The following PLXNA4 variants were observed in gnomAD, a reference collection of about 807,000 sequenced individuals.
PLXNA4 encodes the protein plexin-A4.
PLXNA4 carries 44 observed loss-of-function variants against 191.8 expected under a neutral mutation model. The ratio of observed to expected loss-of-function variants is 0.23; its 90% CI spans 0.18 to 0.29. The LOEUF is 0.29. Among genes scored for constraint, PLXNA4 ranks in the 10% least tolerant of loss-of-function variants. PLXNA4 has a pLI of 1.00. For synonymous variants in PLXNA4, 1,082 were observed against 1,009.5 expected (o/e 1.07, Z -1.36); for missense variants, 1,800 against 2,488.8 (o/e 0.72, Z 5.89).
At chr7:132,569,221 G>A (rs750262060) in intron 1 of PLXNA4, among the ~76,000 whole-genome samples, 4 of 152,240 alleles carry the variant, frequency 2.6e-5, no homozygotes, top group Non-Finnish European at 5.9e-5. Flanking sequence ...CTGAGTGACT[G>A]AGCCACCAGC....
chr7:132,409,743 G>T (rs373612837), intron 3 of PLXNA4, among the ~76,000 whole-genome samples: 8 of 152,196 alleles, frequency 5.3e-5, no homozygotes, highest in African/African-American at 1.9e-4. Context: ...CATCCAGCAT[G>T]CACCAGGATG....
At chr7:132,383,524 T>G in intron 3 of PLXNA4, 1 of 962,482 alleles carries the variant, frequency 1.0e-6, no homozygotes, top group Non-Finnish European at 1.2e-6. Context: ...TTTTATTTTA[T>G]TCATTGTATC....
In PLXNA4 at chr7:132,618,644, T is replaced by C. The variant is rs977614563; in HGVS notation, c.-87+27284A>G. Among the ~76,000 whole-genome samples, 4 of 152,248 alleles carry C rather than the reference T, an allele frequency of 2.6e-5. No homozygotes were observed. In the East Asian group the frequency reaches 5.8e-4, roughly 22 times the overall value. ...CAGGCCAGACAACTGCTTTGGGCTT[T>C]TGTAATGCAAGATTGTGAGGCAAGG... On this transcript the variant is annotated intron_variant, in intron 2 of 4. Transcript: ENST00000378539.
intron 4 of PLXNA4, among the ~76,000 whole-genome samples, chr7:132,287,198 C>A (rs1334335924): frequency 6.6e-6 from 1 of 152,140 alleles, no homozygotes; most frequent in African/African-American, 2.4e-5. Flanking sequence ...TAAGGCCTGG[C>A]TAACTTTTTG....
chr7:132,281,825 C>T (rs1800487594), intron 4 of PLXNA4, among the ~76,000 whole-genome samples: 1 of 152,144 alleles, frequency 6.6e-6, no homozygotes, highest in Admixed American at 6.5e-5. Flanking sequence ...AATTATGTTT[C>T]CATAAGCAGC....
chr7:132,185,140 C>A (rs1346763498), intron 16 of PLXNA4, among the ~76,000 whole-genome samples, 159 bp downstream of exon 16: 2 of 152,120 alleles, frequency 1.3e-5, no homozygotes, highest in Admixed American at 1.3e-4. Flanking sequence ...AAGGAGGGAG[C>A]CACAGTAGGA....
At chr7:132,577,712 G>A (rs372177502), upstream of PLXNA4, among the ~76,000 whole-genome samples, 4 of 152,182 alleles carry the variant, frequency 2.6e-5, no homozygotes, top group East Asian at 5.8e-4. Context: ...CACGGCGCGC[G>A]CTCAGAGGGA....
intron 3 of PLXNA4, among the ~76,000 whole-genome samples, chr7:132,316,217 T>G (rs750258527): frequency 6.6e-6 from 1 of 152,188 alleles, no homozygotes; most frequent in Non-Finnish European, 1.5e-5. Context: ...CTCCCTATGT[T>G]GTGTTGGGAG....
intron 4 of PLXNA4, among the ~76,000 whole-genome samples, chr7:132,263,404 C>T (rs1329450456): frequency 1.3e-5 from 2 of 152,232 alleles, no homozygotes; most frequent in Non-Finnish European, 2.9e-5. Context: ...TCAGAGCAGG[C>T]TGGGGCAGCA....
intron 24 of PLXNA4, among the ~76,000 whole-genome samples, chr7:132,163,592 G>T (rs921929103): frequency 1.3e-5 from 2 of 152,158 alleles, no homozygotes; most frequent in Admixed American, 1.3e-4. Flanking sequence ...TTTTTGTCAG[G>T]TGAGGGAGCC....
intron 3 of PLXNA4, among the ~76,000 whole-genome samples, chr7:132,408,408 A>G (rs1007418312): frequency 1.3e-5 from 2 of 152,088 alleles, no homozygotes; most frequent in African/African-American, 4.8e-5. Flanking sequence ...TAAATAAACA[A>G]GTATTTTTCA....
At chr7:132,367,680 C>T (rs1318448118) in intron 3 of PLXNA4, 1 of 152,228 alleles carries the variant, frequency 6.6e-6, no homozygotes, top group African/African-American at 2.4e-5. Flanking sequence ...AGAGGAAGGA[C>T]ACATCGGCTG....
chr7:132,435,497 A>G (rs568943040), intron 3 of PLXNA4, among the ~76,000 whole-genome samples: 1 of 152,010 alleles, frequency 6.6e-6, no homozygotes, highest in Non-Finnish European at 1.5e-5. Context: ...AACCACCCCA[A>G]TCTCCTACAA....
At chr7:132,523,106 G>A (rs555831179) in intron 1 of PLXNA4, among the ~76,000 whole-genome samples, 39 of 152,144 alleles carry the variant, frequency 2.6e-4, no homozygotes, top group African/African-American at 7.5e-4. Context: ...ACTCTACACC[G>A]GGAACCTACA....
At chr7:132,524,541 G>A (rs1799322118) in intron 1 of PLXNA4, among the ~76,000 whole-genome samples, 1 of 152,150 alleles carries the variant, frequency 6.6e-6, no homozygotes, top group African/African-American at 2.4e-5. Context: ...AAGGAAATTA[G>A]GCTGAAATCA....
chr7:132,587,401 T>C (rs1347168044), intron 2 of PLXNA4, among the ~76,000 whole-genome samples: 2 of 152,208 alleles, frequency 1.3e-5, no homozygotes, highest in Non-Finnish European at 2.9e-5. Context: ...TAGAGTTCTC[T>C]AAAGAAAAAA....
At chr7:132,604,202 G>A (rs1301041435) in intron 2 of PLXNA4, among the ~76,000 whole-genome samples, 1 of 152,152 alleles carries the variant, frequency 6.6e-6, no homozygotes, top group African/African-American at 2.4e-5. Context: ...CCAAGATTCT[G>A]CACTGGATGA....
At chr7:132,641,459 C>G (rs890128319) in intron 2 of PLXNA4, among the ~76,000 whole-genome samples, 4 of 152,276 alleles carry the variant, frequency 2.6e-5, no homozygotes, top group African/African-American at 4.8e-5. Context: ...GATGAGGGCT[C>G]TATCCATATG....
chr7:132,219,767 C>T (rs886911935), intron 9 of PLXNA4, among the ~76,000 whole-genome samples: 3 of 152,116 alleles, frequency 2.0e-5, no homozygotes, highest in Non-Finnish European at 2.9e-5. Flanking sequence ...GAGCAGAAGT[C>T]TCATAAGATT....
Sources: gnomAD v4.1 joint callset for allele counts (sites outside exome capture counted in the v4.1 genomes callset) on GRCh38, gnomAD v4.1.1 for gene constraint, MANE v1.5 for transcripts, NCBI Gene and HGNC (gene_info 2026-07-23, HGNC 2026-07-21) for gene names.